The following AP1M1 variants were observed in gnomAD, a reference collection of about 807,000 sequenced individuals.
The protein encoded by AP1M1 is AP-1 complex subunit mu-1.
AP1M1 carries 18 observed loss-of-function variants against 57.1 expected under a neutral mutation model. That is an observed-to-expected ratio of 0.32 (90% CI 0.22 to 0.47). The LOEUF is 0.47. Ranked by LOEUF, AP1M1 falls within the 20% of genes least tolerant of loss-of-function variation. AP1M1 has a pLI of 1.00. For synonymous variants in AP1M1, 241 were observed against 237.9 expected, an observed-to-expected ratio of 1.01 and a Z score of -0.12; for missense variants, 362 against 593.5, an observed-to-expected ratio of 0.61 and a Z score of 4.05.
In AP1M1 at chr19:16,206,577, G is replaced by A. The variant is rs1271249175; in HGVS notation, c.267+169G>A. ...GGAGTCCCAACTCCCCACGCCTGTG[G>A]AATTCTATAGCTCACGTTGCTCCCC... On this transcript the variant is annotated intron_variant, in intron 3 of 11. Transcript: ENST00000291439. This position sits in a 1 kb window ranked among gnomAD's most constrained non-coding sequence, Gnocchi z 4.3. The A allele has an allele frequency of 1.5e-6, 1 of 686,942 alleles. No individual in the cohort carries two copies. The highest frequency in any genetic ancestry group is 2.6e-6 in the Non-Finnish European group (1 of 390,118). The allele number at this position is 686,942 out of a possible 1,614,324, so 42.6% of individuals were successfully genotyped here.
At position 16,227,124 on chromosome 19, in the gene AP1M1, G is replaced by A. The variant is rs1568354608; in HGVS notation, c.674-424G>A. ...AGTCTATCAGGGCAGCTCCCCGCCT[G>A]GGGCTGGGCAGGGCCCCACCCACAT... On this transcript the variant is annotated intron_variant, in intron 6 of 11. Transcript: ENST00000291439. This position sits in a 1 kb window ranked among gnomAD's most constrained non-coding sequence, Gnocchi z 6.2. Among the ~76,000 whole-genome samples the A allele has an allele frequency of 6.6e-6, 1 of 152,172 alleles. No individual in the cohort carries two copies. The highest frequency in any genetic ancestry group is 1.5e-5 in the Non-Finnish European group (1 of 67,994).
chr19:16,220,160 G>A (rs1209065692), intron 5 of AP1M1, among the ~76,000 whole-genome samples: 7 of 152,060 alleles, frequency 4.6e-5, no homozygotes, highest in Non-Finnish European at 8.8e-5. Context: ...GAAACTATCC[G>A]AGCCTGGAGA....
In AP1M1 at chr19:16,236,711, T is replaced by A. The variant is rs1218209206; in HGVS notation, c.*2276T>A. On this transcript the variant is annotated 3_prime_UTR_variant, in exon 12 of 12. Coordinates refer to ENST00000291439, the MANE Select transcript of AP1M1 (RefSeq NM_032493.4). Reference sequence around the variant, plus strand: ...ACCACTCATTTAGACCCCACGCTTGTAATATCAATCTGGTTTGCAGACAAC... The same window carrying A: ...ACCACTCATTTAGACCCCACGCTTGAAATATCAATCTGGTTTGCAGACAAC... The A allele has an allele frequency of 6.6e-6, 1 of 152,220 alleles. No homozygotes were observed. Among genetic ancestry groups the A allele is most frequent in the African/African-American group, 2.4e-5 (1 of 41,456 alleles). 9.4% of individuals were successfully genotyped at this position (152,220 alleles called of 1,614,324 possible). A position where few individuals can be genotyped will look rare whatever the true frequency, so the allele number is the denominator to read the frequency against.
At position 16,234,530 on chromosome 19, in the gene AP1M1, G is replaced by T; in HGVS notation, c.*95G>T. On this transcript the variant is annotated 3_prime_UTR_variant, in exon 12 of 12. Transcript: ENST00000291439. ...CCCACCAGATGGAGGGGCCCTCCCT[G>T]GTCTCTGGCCACCCTCCCAGCCTCT... The T allele has an allele frequency of 6.6e-7, 1 of 1,520,078 alleles. No homozygotes were observed. Among genetic ancestry groups the T allele is most frequent in the South Asian group, 1.2e-5 (1 of 86,308 alleles). 94.2% of individuals were successfully genotyped at this position (1,520,078 alleles called of 1,614,324 possible).
chr19:16,198,237 C>CG lies in AP1M1; in HGVS notation c.42+174dup, dbSNP rs141574813. On this transcript the variant is annotated intron_variant, in intron 1 of 11. Coordinates refer to ENST00000291439, the MANE Select transcript of AP1M1 (RefSeq NM_032493.4). ...CCCATCCTGTTTCTGGGTAACCGGG[C>CG]GGGGGTCTTAAGTGGGTAATCCCCG... is the stretch of plus-strand genomic sequence containing the variant. 3.0e-3 allele frequency: 1,753 copies of CG among 575,120 alleles called. 22 individuals are homozygous for CG. Among genetic ancestry groups the CG allele is most frequent in the African/African-American group, 0.03 (1,500 of 50,358 alleles). 35.6% of individuals were successfully genotyped at this position (575,120 alleles called of 1,614,324 possible). A position where few individuals can be genotyped will look rare whatever the true frequency, so the allele number is the denominator to read the frequency against.
chr19:16,245,714 A>G lies in AP1M1; in HGVS notation c.*11279A>G, dbSNP rs1221597861. The stretch of plus-strand genomic sequence containing the variant: ...CATTTAATGTAATAACTGATATTAC[A>G]TTTAAGTATAAATTTAAATCTACCG... On this transcript the variant is annotated 3_prime_UTR_variant, in exon 12 of 12. Coordinates refer to ENST00000291439, the MANE Select transcript of AP1M1 (RefSeq NM_032493.4). 2 of 152,170 alleles carry G rather than the reference A, an allele frequency of 1.3e-5. No homozygotes were observed. Among genetic ancestry groups the G allele is most frequent in the Non-Finnish European group, 2.9e-5 (2 of 68,046 alleles). 9.4% of individuals were successfully genotyped at this position (152,170 alleles called of 1,614,324 possible).
chr19:16,201,388 C>CT (rs57467734), intron 1 of AP1M1, among the ~76,000 whole-genome samples: 3,121 of 62,474 alleles, frequency 0.05, 448 homozygotes, highest in Non-Finnish European at 0.066. Flanking sequence ...GGGAGGATTT[C>CT]TTTTTTTTTT....
chr19:16,199,235 A>G (rs1399972862), intron 1 of AP1M1, among the ~76,000 whole-genome samples: 1 of 152,220 alleles, frequency 6.6e-6, no homozygotes, highest in Admixed American at 6.5e-5. Context: ...AGTCAGCCTC[A>G]GCCCGAGGAT....
intron 1 of AP1M1, among the ~76,000 whole-genome samples, chr19:16,202,410 AC>A (rs1422525189): frequency 2.0e-5 from 3 of 152,154 alleles, no homozygotes; most frequent in African/African-American, 4.8e-5. Flanking sequence ...TACATTAATA[AC>A]CTGCACTTAT....
At chr19:16,208,420 C>G (rs2091479343) in intron 4 of AP1M1, among the ~76,000 whole-genome samples, 1 of 152,216 alleles carries the variant, frequency 6.6e-6, no homozygotes, top group Admixed American at 6.5e-5. Context: ...TAAGGAGTCA[C>G]CTCCCTTGTT....
rs757322458 is a variant in AP1M1, at chr19:16,208,011, C to T, written c.268-8C>T. ...TCCCATTCCTCCCTCCCTCCCCAACCGCCACAGGTGTTTTCCGAGTACTTC... is the reference window on the plus strand; with the variant it reads ...TCCCATTCCTCCCTCCCTCCCCAACTGCCACAGGTGTTTTCCGAGTACTTC... On this transcript the variant is annotated splice_polypyrimidine_tract_variant and splice_region_variant and intron_variant, in intron 3 of 11. Coordinates refer to ENST00000291439, the MANE Select transcript of AP1M1 (RefSeq NM_032493.4). 1.1e-4 allele frequency: 180 copies of T among 1,607,986 alleles called. 1 individual carries two copies. The highest frequency in any genetic ancestry group is 1.4e-4 in the Non-Finnish European group (164 of 1,177,272).
intron 9 of AP1M1, among the ~76,000 whole-genome samples, chr19:16,231,198 G>A (rs1393406280): frequency 6.8e-6 from 1 of 147,678 alleles, no homozygotes; most frequent in African/African-American, 2.5e-5. Flanking sequence ...TGAGGTGGGA[G>A]AATGGTGTGA....
chr19:16,221,475 A>G (rs576676263), intron 5 of AP1M1, among the ~76,000 whole-genome samples: 11 of 152,356 alleles, frequency 7.2e-5, no homozygotes, highest in South Asian at 4.1e-4. Flanking sequence ...AGACCTCACA[A>G]TCTAAGCTAA....
chr19:16,198,124 C>T (rs2091432118), intron 1 of AP1M1, 56 bp downstream of exon 1: 1 of 1,584,004 alleles, frequency 6.3e-7, no homozygotes, highest in Non-Finnish European at 8.6e-7. Context: ...GGCCTCCGCC[C>T]GCGGGGACCC....
chr19:16,209,631 AG>A (rs201202136), intron 5 of AP1M1, among the ~76,000 whole-genome samples: 9 of 149,124 alleles, frequency 6.0e-5, no homozygotes, highest in Non-Finnish European at 1.3e-4. Context: ...AAAAAAAAAA[AG>A]AAACTAAAGG....
At chr19:16,214,701 G>T (rs1031504152) in intron 5 of AP1M1, among the ~76,000 whole-genome samples, 1 of 151,982 alleles carries the variant, frequency 6.6e-6, no homozygotes, top group African/African-American at 2.4e-5. Context: ...CAGCAGGTCT[G>T]CTGGTAAACA....
At chr19:16,208,207 T>C in intron 4 of AP1M1, 58 bp downstream of exon 4, 1 of 1,534,098 alleles carries the variant, frequency 6.5e-7, no homozygotes, top group Non-Finnish European at 8.8e-7. Context: ...GACATCGACG[T>C]CATCAGGTGT....
Position 16,206,644 on chromosome 19 carries a change from C to T in AP1M1, c.267+236C>T. ...GGAAAGTGAACAGGAAAAGGTAGGG[C>T]TCAGAGCAGGGGTGCCCTGACCCTG... On this transcript the variant is annotated intron_variant, in intron 3 of 11. Transcript: ENST00000291439. The surrounding 1 kb of genome is among the most constrained non-coding windows in gnomAD (Gnocchi z 4.3). The T allele has an allele frequency of 1.8e-6, 1 of 563,786 alleles. No homozygotes were observed. Among genetic ancestry groups the T allele is most frequent in the Non-Finnish European group, 3.2e-6 (1 of 312,460 alleles). 34.9% of individuals were successfully genotyped at this position (563,786 alleles called of 1,614,324 possible).
At chr19:16,231,510 A>T (rs1236733022) in intron 9 of AP1M1, among the ~76,000 whole-genome samples, 8 of 152,004 alleles carry the variant, frequency 5.3e-5, no homozygotes, top group Admixed American at 2.0e-4. Flanking sequence ...GGCTTGCTGC[A>T]ACTCCACCTC....
Sources: gnomAD v4.1 joint callset for allele counts (sites outside exome capture counted in the v4.1 genomes callset) on GRCh38, gnomAD v4.1.1 for gene constraint, Gnocchi (gnomAD v3.1) non-coding constraint, MANE v1.5 for transcripts, NCBI Gene and HGNC (gene_info 2026-07-23, HGNC 2026-07-21) for gene names.